TEX10: variants seen among roughly 807,000 people sequenced by gnomAD.
TEX10 encodes testis-expressed protein 10.
A neutral mutation model predicts 104.4 loss-of-function variants in TEX10; 24 were observed. That is an observed-to-expected ratio of 0.23 (90% confidence interval 0.17 to 0.32). TEX10 has a LOEUF of 0.32. Ranked by LOEUF, TEX10 falls within the 10% of genes least tolerant of loss-of-function variation. The pLI is 1.00. For missense variants in TEX10, 921 were observed against 1,083.9 expected, an observed-to-expected ratio of 0.85 and a Z score of 2.11; for synonymous variants, 396 against 393.4, an observed-to-expected ratio of 1.01 and a Z score of -0.08.
intron 7 of TEX10, among the ~76,000 whole-genome samples, 166 bp downstream of exon 7, chr9:100,328,974 T>A (rs1361450615): frequency 6.6e-6 from 1 of 152,184 alleles, no homozygotes; most frequent in Non-Finnish European, 1.5e-5. Flanking sequence ...CTGGCACTAT[T>A]ACGTATGCAT....
At chr9:100,311,246 T>C (rs180942557) in intron 11 of TEX10, among the ~76,000 whole-genome samples, 80 of 148,588 alleles carry the variant, frequency 5.4e-4, no homozygotes, top group African/African-American at 1.9e-3. Flanking sequence ...AAAAAAAAAG[T>C]TGGCCAGATG....
Position 100,326,446 on chromosome 9 carries a change from G to T in TEX10, c.1835C>A (p.Ala612Glu), listed in dbSNP as rs375921782. The change falls in exon 9 of 15, where the codon GCA becomes GAA. Residue 612 changes from alanine to glutamate, a missense_variant. Coordinates refer to ENST00000374902, the MANE Select transcript of TEX10 (RefSeq NM_017746.4). ...PQEGAVVVLP[A>E]DSQQRLVQLV... The stretch of plus-strand genomic sequence containing the variant: ...CTGAACCAAACGCTGCTGAGAGTCT[G>T]CAGGGAGAACCACCACAGCACCTTC... The T allele has an allele frequency of 3.1e-6, 5 of 1,613,938 alleles. No homozygotes were observed. Among genetic ancestry groups the T allele is most frequent in the Non-Finnish European group, 4.2e-6 (5 of 1,179,966 alleles).
At chr9:100,330,791 A>G (rs1191760556) in intron 5 of TEX10, among the ~76,000 whole-genome samples, 1 of 152,266 alleles carries the variant, frequency 6.6e-6, no homozygotes, top group South Asian at 2.1e-4. Context: ...GGTATATTCA[A>G]CAGCAGAGCT....
intron 13 of TEX10, among the ~76,000 whole-genome samples, 160 bp downstream of exon 13, chr9:100,308,340 T>C (rs1341944941): frequency 6.6e-6 from 1 of 152,140 alleles, no homozygotes; most frequent in Non-Finnish European, 1.5e-5. Context: ...AGGGGATTCA[T>C]GAAGGAACAA....
chr9:100,315,544 T>G (rs1834394674), intron 11 of TEX10, among the ~76,000 whole-genome samples: 1 of 152,196 alleles, frequency 6.6e-6, no homozygotes, highest in Non-Finnish European at 1.5e-5. Flanking sequence ...CTGTATTTTT[T>G]AAACCTGTTT....
intron 14 of TEX10, 40 bp from the exon 15 acceptor site, chr9:100,302,344 A>G (rs768618117): frequency 7.1e-7 from 1 of 1,411,530 alleles, no homozygotes; most frequent in South Asian, 1.2e-5. Flanking sequence ...ACTGCACCCA[A>G]ATCACTATGC....
intron 11 of TEX10, among the ~76,000 whole-genome samples, chr9:100,312,954 T>C (rs182234934): frequency 1.3e-5 from 2 of 152,262 alleles, no homozygotes; most frequent in East Asian, 3.9e-4. Flanking sequence ...CTATAAAAGA[T>C]ATAGTCCCTA....
At chr9:100,337,874 T>A (rs1266980250) in intron 5 of TEX10, among the ~76,000 whole-genome samples, 2 of 135,396 alleles carry the variant, frequency 1.5e-5, no homozygotes, top group East Asian at 6.1e-4. Flanking sequence ...TTTGTCTGTT[T>A]ATCCTAATAA....
chr9:100,341,511 GCA>G (rs1835171860), intron 4 of TEX10, among the ~76,000 whole-genome samples: 1 of 123,842 alleles, frequency 8.1e-6, no homozygotes, highest in South Asian at 3.6e-4. Flanking sequence ...TGTAACACTG[GCA>G]TCATCCTTGA....
chr9:100,307,743 A>G (rs1376614270), intron 13 of TEX10: 1 of 152,138 alleles, frequency 6.6e-6, no homozygotes, highest in East Asian at 1.9e-4. Flanking sequence ...CTATATCCGA[A>G]CCTGGGGTTG....
At chr9:100,304,197 G>A (rs949074917) in intron 13 of TEX10, 8 of 269,036 alleles carry the variant, frequency 3.0e-5, no homozygotes, top group East Asian at 1.7e-4. Flanking sequence ...AGATTCAACT[G>A]TATTCCTATC....
chr9:100,304,543 G>A (rs929535462), intron 13 of TEX10: 1 of 152,190 alleles, frequency 6.6e-6, no homozygotes, highest in African/African-American at 2.4e-5. Context: ...AATAAAAATG[G>A]ATCCCTATCT....
At chr9:100,326,564 G>A in intron 8 of TEX10, 85 bp from the exon 9 acceptor site, 1 of 1,312,464 alleles carries the variant, frequency 7.6e-7, no homozygotes, top group Non-Finnish European at 1.0e-6. Flanking sequence ...GACTTCCATT[G>A]AATTATGGGC....
At chr9:100,319,732 G>T (rs1834518017) in intron 11 of TEX10, among the ~76,000 whole-genome samples, 1 of 152,086 alleles carries the variant, frequency 6.6e-6, no homozygotes, top group African/African-American at 2.4e-5. Context: ...CTTAAACCTG[G>T]GAGGTGGAGG....
At chr9:100,315,994 T>C (rs1317204004) in intron 11 of TEX10, among the ~76,000 whole-genome samples, 1 of 152,244 alleles carries the variant, frequency 6.6e-6, no homozygotes, top group Non-Finnish European at 1.5e-5. Context: ...GGCTAGGTTT[T>C]CTAAACTTTA....
At chr9:100,319,189 T>C (rs916202216) in intron 11 of TEX10, among the ~76,000 whole-genome samples, 6 of 151,930 alleles carry the variant, frequency 3.9e-5, no homozygotes, top group Non-Finnish European at 7.4e-5. Flanking sequence ...CGAGACTCCA[T>C]CTCAAAAAAA....
intron 11 of TEX10, among the ~76,000 whole-genome samples, chr9:100,315,399 G>A (rs1834391657): frequency 6.6e-6 from 1 of 151,958 alleles, no homozygotes; most frequent in Non-Finnish European, 1.5e-5. Flanking sequence ...CTTCCTTTAG[G>A]TCTAGTAATA....
At position 100,333,878 on chromosome 9, in the gene TEX10, T is replaced by C. The variant is rs548869134; in HGVS notation, c.1251-3709A>G. ...AATTTAATGGATAAAGTACAGTCTT[T>C]CCAATGAACGGTGATAGAACAACTG... On this transcript the variant is annotated intron_variant, in intron 5 of 14. Coordinates refer to ENST00000374902, the MANE Select transcript of TEX10 (RefSeq NM_017746.4). Among the ~76,000 whole-genome samples the C allele has an allele frequency of 5.3e-5, 8 of 152,300 alleles. No homozygotes were observed. In the South Asian group the frequency reaches 1.2e-3, roughly 24 times the overall value.
At chr9:100,349,634 G>A (rs1402906310) in intron 1 of TEX10, among the ~76,000 whole-genome samples, 3 of 149,494 alleles carry the variant, frequency 2.0e-5, no homozygotes, top group Non-Finnish European at 4.4e-5. Flanking sequence ...CAAGCTATAT[G>A]CTAAAGGGAA....
Sources: allele counts gnomAD v4.1 joint callset (sites outside exome capture counted in the v4.1 genomes callset), GRCh38; gene constraint gnomAD v4.1.1; transcripts MANE v1.5; gene names NCBI Gene and HGNC (gene_info 2026-07-23, HGNC 2026-07-21).